CDS2: variants seen among roughly 807,000 people sequenced by gnomAD.
The protein encoded by CDS2 is phosphatidate cytidylyltransferase 2.
A neutral mutation model predicts 59.0 loss-of-function variants in CDS2; 47 were observed. The ratio of observed to expected loss-of-function variants is 0.80; its 90% CI spans 0.63 to 1.02. The LOEUF (loss-of-function observed/expected upper bound fraction) is 1.02. Ranked by LOEUF, CDS2 falls within the 50% of genes least tolerant of loss-of-function variation. The probability of loss-of-function intolerance (pLI) is 0.00; values close to 1 mark genes in which losing one functional copy is unlikely to be tolerated. For synonymous variants in CDS2, 207 were observed against 206.4 expected, an observed-to-expected ratio of 1.00 and a Z score of -0.02; for missense variants, 356 against 558.9, an observed-to-expected ratio of 0.64 and a Z score of 3.66.
At chr20:5,171,193 C>T (rs1366385732) in intron 1 of CDS2, among the ~76,000 whole-genome samples, 1 of 152,250 alleles carries the variant, frequency 6.6e-6, no homozygotes, top group East Asian at 1.9e-4. Flanking sequence ...CAGAGAGGCT[C>T]TTAGCACGGA....
At position 5,185,821 on chromosome 20, in the gene CDS2, C is replaced by T; in HGVS notation, c.823C>T (p.Leu275Phe). 1 of 1,614,170 alleles carries T rather than the reference C, an allele frequency of 6.2e-7. No homozygotes were observed. The highest frequency in any genetic ancestry group is 8.5e-7 in the Non-Finnish European group (1 of 1,179,992). The change falls in exon 9 of 13, where the codon CTT becomes TTT. Residue 275 changes from leucine (L) to phenylalanine (F), a missense_variant. Leu to Phe is a conservative substitution (Grantham distance 22). Around this residue, in one of 5 missense-constraint regions of CDS2, gnomAD observed 88 missense variants for 103.6 expected, o/e 0.85. Coordinates refer to ENST00000460006, the MANE Select transcript of CDS2 (RefSeq NM_003818.4). ...GGFFATVVFG[L>F]LLSYVMSGYR... ...CTTCTTTGCTACTGTGGTGTTTGGC[C>T]TTCTGGTAGGTGGTGGCTTTCAGCT...
chr20:5,167,540 G>GTA (rs1568537924), intron 1 of CDS2, among the ~76,000 whole-genome samples: 3 of 152,060 alleles, frequency 2.0e-5, no homozygotes, highest in African/African-American at 7.2e-5. Flanking sequence ...CCAGATATAT[G>GTA]TATATATATG....
chr20:5,150,819 T>C (rs16990681), intron 1 of CDS2, among the ~76,000 whole-genome samples: 1 of 152,208 alleles, frequency 6.6e-6, no homozygotes, highest in Admixed American at 6.5e-5. Context: ...GCAGATGGTC[T>C]CTGGAGTCAG....
At chr20:5,167,434 A>G (rs1281745118) in intron 1 of CDS2, among the ~76,000 whole-genome samples, 1 of 152,188 alleles carries the variant, frequency 6.6e-6, no homozygotes, top group African/African-American at 2.4e-5. Context: ...TGTTCTGACA[A>G]TTGAACTTGT....
intron 1 of CDS2, among the ~76,000 whole-genome samples, chr20:5,135,198 C>T (rs1199426701): frequency 1.3e-5 from 2 of 152,142 alleles, no homozygotes; most frequent in Non-Finnish European, 2.9e-5. Flanking sequence ...TCTCAAAGGG[C>T]TGGTACAGCG....
At chr20:5,177,881 C>T (rs552988946) in intron 4 of CDS2, among the ~76,000 whole-genome samples, 20 of 152,284 alleles carry the variant, frequency 1.3e-4, no homozygotes, top group African/African-American at 4.3e-4. Context: ...CAGTGTTTTG[C>T]ATTTTGTTAA....
chr20:5,173,438 A>T, intron 1 of CDS2, 85 bp from the exon 2 acceptor site: 1 of 1,499,334 alleles, frequency 6.7e-7, no homozygotes. Context: ...GTCTTTCCCC[A>T]CAGATCTCTC....
rs774938959 is a variant in CDS2, at chr20:5,196,940, G to A, written c.*6706G>A. 12 of 152,440 alleles carry A rather than the reference G, an allele frequency of 7.9e-5. No homozygotes were observed. The highest frequency in any genetic ancestry group is 2.0e-4 in the Admixed American group (3 of 15,272). The allele number at this position is 152,440 out of a possible 1,614,324, so 9.4% of individuals were successfully genotyped here. ...TTGTTATCCAGCTGGAGGACTCCTA[G>A]GGGCAGCAGCAGGAGGAATACCAGG... On this transcript the variant is annotated 3_prime_UTR_variant, in exon 13 of 13. Transcript: ENST00000460006.
chr20:5,151,627 T>TG (rs1376175896), intron 1 of CDS2, among the ~76,000 whole-genome samples: 1 of 151,414 alleles, frequency 6.6e-6, no homozygotes, highest in African/African-American at 2.4e-5. Context: ...TTTGTAGAGG[T>TG]GGGGTCTTGC....
chr20:5,131,397 T>C (rs1453667296), intron 1 of CDS2, among the ~76,000 whole-genome samples: 1 of 152,238 alleles, frequency 6.6e-6, no homozygotes, highest in East Asian at 1.9e-4. Context: ...GCTTTGGGAA[T>C]GATCCTCTTC....
intron 1 of CDS2, among the ~76,000 whole-genome samples, chr20:5,136,665 A>G (rs947664606): frequency 3.3e-5 from 5 of 151,966 alleles, no homozygotes; most frequent in Non-Finnish European, 7.4e-5. Flanking sequence ...TGTTCTTTGT[A>G]TCTTTCAGGA....
chr20:5,172,281 TAA>T (rs1460564859), intron 1 of CDS2, among the ~76,000 whole-genome samples: 4 of 152,160 alleles, frequency 2.6e-5, no homozygotes, highest in Non-Finnish European at 4.4e-5. Flanking sequence ...GTTCTAGTGT[TAA>T]GAGAGCAAAT....
chr20:5,173,422 T>A, intron 1 of CDS2, 101 bp from the exon 2 acceptor site: 1 of 1,353,242 alleles, frequency 7.4e-7, no homozygotes, highest in Non-Finnish European at 1.0e-6. Flanking sequence ...TTAGGCCCTG[T>A]TTGGAGTCTT....
rs201496221 is a variant in CDS2, at chr20:5,189,749, C to T, written c.1116C>T (p.Thr372=). 5.6e-6 allele frequency: 9 copies of T among 1,613,744 alleles called. No individual in the cohort carries two copies. The Admixed American group carries it at 1.3e-4, about 24-fold the overall frequency. Residue 372 remains threonine (T), a synonymous_variant, in exon 12 of 13, where the codon ACC becomes ACT. Transcript: ENST00000460006. ...GCCTCTAACAGGACTTTGCCAATAC[C>T]ATTCCTGGCCATGGAGGCATCATGG... ...RAFKIKDFAN[T]IPGHGGIMDR...
chr20:5,183,260 C>T, intron 7 of CDS2, 117 bp downstream of exon 7: 1 of 774,516 alleles, frequency 1.3e-6, no homozygotes, highest in Admixed American at 2.4e-5. Context: ...CTGCAGGGTT[C>T]ATTATAGCAC....
rs944284581 is a variant in CDS2, at chr20:5,196,926, C to G, written c.*6692C>G. 1 of 152,462 alleles carries G rather than the reference C, an allele frequency of 6.6e-6. No individual in the cohort carries two copies. The highest frequency in any genetic ancestry group is 1.9e-4 in the East Asian group (1 of 5,170). 9.4% of individuals were successfully genotyped at this position (152,462 alleles called of 1,614,324 possible). A position where few individuals can be genotyped will look rare whatever the true frequency, so the allele number is the denominator to read the frequency against. The stretch of plus-strand genomic sequence containing the variant: ...AGCGGTTTGGTTTATTGTTATCCAG[C>G]TGGAGGACTCCTAGGGGCAGCAGCA... On this transcript the variant is annotated 3_prime_UTR_variant, in exon 13 of 13. Transcript: ENST00000460006.
rs1048432101 is a variant in CDS2 at position 5,193,637 on chromosome 20, G to A, written c.*3403G>A. 1 of 152,186 alleles carries A rather than the reference G, an allele frequency of 6.6e-6. No homozygotes were observed. The highest frequency in any genetic ancestry group is 2.1e-4 in the South Asian group (1 of 4,824). 9.4% of individuals were successfully genotyped at this position (152,186 alleles called of 1,614,324 possible). A position where few individuals can be genotyped will look rare whatever the true frequency, so the allele number is the denominator to read the frequency against. ...CAGCCCTTGTCACCTGTTTGTATGG[G>A]GACCATGTTTCCCAAAGCTCAGGTT... is the stretch of plus-strand genomic sequence containing the variant. On this transcript the variant is annotated 3_prime_UTR_variant, in exon 13 of 13. Transcript: ENST00000460006.
At chr20:5,167,165 C>T (rs574859360) in intron 1 of CDS2, among the ~76,000 whole-genome samples, 22 of 152,298 alleles carry the variant, frequency 1.4e-4, no homozygotes, top group Middle Eastern at 3.4e-3. Flanking sequence ...TTGTAAATAG[C>T]TTTATCTGGA....
chr20:5,152,573 C>T (rs576321214), intron 1 of CDS2, among the ~76,000 whole-genome samples: 10 of 152,242 alleles, frequency 6.6e-5, no homozygotes, highest in Admixed American at 4.6e-4. Flanking sequence ...GAAACCCTGT[C>T]TCTACTAAAA....
Sources: gnomAD v4.1 joint callset for allele counts (sites outside exome capture counted in the v4.1 genomes callset) on GRCh38, gnomAD v4.1.1 for gene constraint, gnomAD v4.1.1 regional missense constraint, MANE v1.5 for transcripts, NCBI Gene and HGNC (gene_info 2026-07-23, HGNC 2026-07-21) for gene names.